The following NBEA variants were observed in gnomAD, a reference collection of about 807,000 sequenced individuals.
NBEA encodes the protein neurobeachin, also known as lysosomal-trafficking regulator 2.
Under a neutral mutation model 343.4 loss-of-function variants are expected in NBEA, and 44 were observed. The observed-to-expected ratio is 0.13, with a 90% CI of 0.10 to 0.16. The LOEUF is 0.16. Ranked by LOEUF, NBEA falls within the 10% of genes least tolerant of loss-of-function variation. NBEA has a pLI of 1.00. For missense variants in NBEA, 2,555 were observed against 3,631.3 expected (o/e 0.70, Z 7.62); for synonymous variants, 1,175 against 1,238.7 (o/e 0.95, Z 1.08).
At chr13:35,358,576 G>C (rs975441355) in intron 38 of NBEA, among the ~76,000 whole-genome samples, 22 of 151,928 alleles carry the variant, frequency 1.4e-4, no homozygotes, top group Non-Finnish European at 2.9e-5. Flanking sequence ...AAATTAGCTG[G>C]GCATGGTGGC....
chr13:35,016,118 G>A (rs1298282002), intron 1 of NBEA, among the ~76,000 whole-genome samples: 1 of 152,060 alleles, frequency 6.6e-6, no homozygotes, highest in Admixed American at 6.6e-5. Flanking sequence ...GATATAAAAG[G>A]TTAGAAATGA....
chr13:34,986,260 A>C (rs989886829), intron 1 of NBEA, among the ~76,000 whole-genome samples: 10 of 150,696 alleles, frequency 6.6e-5, no homozygotes, highest in African/African-American at 2.4e-4. Flanking sequence ...GTTTCAAAGA[A>C]CGTCTTTATT....
rs548208011 is a variant in NBEA, at chr13:35,225,135, T to C, written c.5649-7357T>C. Among the ~76,000 whole-genome samples the C allele has an allele frequency of 7.2e-5, 11 of 152,286 alleles. No individual in the cohort carries two copies. The South Asian group carries it at 8.3e-4, about 11-fold the overall frequency. ...CTTCTGCAATAGTAGACTACTGTTATCTGTTACTGGGTGCTTGCAAGCCTG... is the reference window on the plus strand; with the variant it reads ...CTTCTGCAATAGTAGACTACTGTTACCTGTTACTGGGTGCTTGCAAGCCTG... On this transcript the variant is annotated intron_variant, in intron 33 of 58. Transcript: ENST00000379939.
At chr13:35,544,961 A>T (rs1003995921) in intron 41 of NBEA, among the ~76,000 whole-genome samples, 2 of 152,222 alleles carry the variant, frequency 1.3e-5, no homozygotes, top group African/African-American at 2.4e-5. Context: ...AAGCTAGATG[A>T]TATGGGAAGC....
chr13:35,427,689 G>C (rs2044790843), intron 38 of NBEA, among the ~76,000 whole-genome samples: 2 of 152,214 alleles, frequency 1.3e-5, no homozygotes. Flanking sequence ...AGTCTGCAGA[G>C]GTTACTGCTG....
At chr13:35,341,776 G>A (rs920717072) in intron 36 of NBEA, among the ~76,000 whole-genome samples, 1 of 152,082 alleles carries the variant, frequency 6.6e-6, no homozygotes, top group Non-Finnish European at 1.5e-5. Context: ...CTTTGTTGGT[G>A]AGAATGTGAA....
At chr13:35,357,190 A>T (rs952626111) in intron 38 of NBEA, among the ~76,000 whole-genome samples, 1 of 143,660 alleles carries the variant, frequency 7.0e-6, no homozygotes, top group African/African-American at 2.7e-5. Flanking sequence ...TACTTTCCAC[A>T]TAGAATTTGA....
chr13:35,476,719 A>T, intron 41 of NBEA: 2 of 1,067,496 alleles, frequency 1.9e-6, no homozygotes, highest in Non-Finnish European at 2.3e-6. Context: ...TGTGGAAATT[A>T]TAAAGGCAGG....
At chr13:35,052,744 ACTTTT>A (rs1436968510) in intron 6 of NBEA, among the ~76,000 whole-genome samples, 1 of 151,958 alleles carries the variant, frequency 6.6e-6, no homozygotes, top group Non-Finnish European at 1.5e-5. Context: ...GAGAAAAGTT[ACTTTT>A]CTTGTAAATA....
At chr13:35,645,683 T>A (rs914567507) in intron 49 of NBEA, among the ~76,000 whole-genome samples, 186 bp from the exon 50 acceptor site, 5 of 152,230 alleles carry the variant, frequency 3.3e-5, no homozygotes, top group Non-Finnish European at 7.3e-5. Flanking sequence ...AGAATTCATC[T>A]TAAAATAGCA....
chr13:35,160,464 C>G (rs1414500358), intron 22 of NBEA, among the ~76,000 whole-genome samples: 1 of 152,114 alleles, frequency 6.6e-6, no homozygotes, highest in Non-Finnish European at 1.5e-5. Flanking sequence ...GAAAAGAGGA[C>G]TTGGAGCCCA....
At chr13:35,432,042 A>G (rs1251616732) in intron 38 of NBEA, among the ~76,000 whole-genome samples, 1 of 152,044 alleles carries the variant, frequency 6.6e-6, no homozygotes, top group Non-Finnish European at 1.5e-5. Flanking sequence ...GAGTGGTATA[A>G]TACCTGAAAT....
chr13:35,397,512 C>T (rs2152904177), intron 38 of NBEA, among the ~76,000 whole-genome samples: 1 of 152,268 alleles, frequency 6.6e-6, no homozygotes, highest in South Asian at 2.1e-4. Flanking sequence ...TCCATGAGGG[C>T]AGAGACTTTT....
At chr13:35,545,341 C>T (rs763933489) in intron 41 of NBEA, among the ~76,000 whole-genome samples, 1 of 152,178 alleles carries the variant, frequency 6.6e-6, no homozygotes, top group Non-Finnish European at 1.5e-5. Context: ...GCATTCCACT[C>T]TATCCTCCAC....
intron 49 of NBEA, among the ~76,000 whole-genome samples, chr13:35,628,632 A>G (rs981641293): frequency 6.6e-6 from 1 of 152,238 alleles, no homozygotes; most frequent in Non-Finnish European, 1.5e-5. Context: ...CACAAGTGCT[A>G]GGATTACAGG....
chr13:35,352,797 A>T (rs887497838), intron 38 of NBEA, among the ~76,000 whole-genome samples: 1 of 152,118 alleles, frequency 6.6e-6, no homozygotes, highest in African/African-American at 2.4e-5. Context: ...AGTCTTACCA[A>T]GGGAAGATTT....
In NBEA at chr13:35,157,126, C is replaced by A; in HGVS notation, c.2700C>A (p.Gly900=). The change falls in exon 21 of 59, where the codon GGC becomes GGA. Residue 900 remains glycine (G), a synonymous_variant. Transcript: ENST00000379939. ...SVWQDWMFSL[G]YINPKNSEEQ... is the part of the protein sequence containing the mutation. ...GGCAGGATTGGATGTTTTCTCTTGGCTATATCAATCCTAAAAATTCTGAGG... is the reference window on the plus strand; with the variant it reads ...GGCAGGATTGGATGTTTTCTCTTGGATATATCAATCCTAAAAATTCTGAGG... 1 of 1,605,992 alleles carries A rather than the reference C, an allele frequency of 6.2e-7. No individual in the cohort carries two copies. The highest frequency in any genetic ancestry group is 8.5e-7 in the Non-Finnish European group (1 of 1,175,940).
At chr13:35,042,868 A>G (rs1386849687) in intron 2 of NBEA, among the ~76,000 whole-genome samples, 2 of 151,820 alleles carry the variant, frequency 1.3e-5, no homozygotes. Context: ...CACGACTAAC[A>G]GTTCATATCT....
intron 39 of NBEA, among the ~76,000 whole-genome samples, chr13:35,445,785 TA>T (rs2045974463): frequency 2.5e-4 from 5 of 19,974 alleles, no homozygotes; most frequent in Non-Finnish European, 7.5e-4. Flanking sequence ...TAAATGTTTA[TA>T]TATATATATA....
Sources: gnomAD v4.1 joint callset for allele counts (sites outside exome capture counted in the v4.1 genomes callset) on GRCh38, gnomAD v4.1.1 for gene constraint, MANE v1.5 for transcripts, NCBI Gene and HGNC (gene_info 2026-07-23, HGNC 2026-07-21) for gene names.